SZRD1: variants seen among roughly 807,000 people sequenced by gnomAD.
SZRD1 encodes SUZ RNA binding domain containing 1.
In SZRD1, 7 loss-of-function variants were observed where a neutral mutation model predicts 17.6. The ratio of observed to expected loss-of-function variants is 0.40; its 90% CI spans 0.23 to 0.75. SZRD1 has a LOEUF of 0.75. SZRD1 is among the 30% of genes least tolerant of loss of function. SZRD1 has a pLI of 0.38. For synonymous variants in SZRD1, 77 were observed against 77.9 expected, an observed-to-expected ratio of 0.99 and a Z score of 0.06; for missense variants, 178 against 201.8, an observed-to-expected ratio of 0.88 and a Z score of 0.71.
intron 2 of SZRD1, among the ~76,000 whole-genome samples, chr1:16,392,103 A>G (rs2085229098): frequency 6.6e-6 from 1 of 152,020 alleles, no homozygotes; most frequent in African/African-American, 2.4e-5. Context: ...CCCGCCCGCT[A>G]GTTTTCCTGG....
chr1:16,398,030 TC>T lies in SZRD1; in HGVS notation c.*2891del. 6.7e-6 allele frequency: 6 copies of T among 893,868 alleles called. No homozygotes were observed. Among genetic ancestry groups the T allele is most frequent in the Non-Finnish European group, 8.0e-6 (6 of 746,524 alleles). 55.4% of individuals were successfully genotyped at this position (893,868 alleles called of 1,614,324 possible). On this transcript the variant is annotated 3_prime_UTR_variant, in exon 4 of 4. Coordinates refer to ENST00000401088, the MANE Select transcript of SZRD1 (RefSeq NM_001114600.3). The stretch of plus-strand genomic sequence containing the variant: ...GAGGGCTGCACCCCTGCAGTCTTAC[TC>T]TGCTGGTGTAGCGGGCAGCTGCCCA...
At chr1:16,374,037 G>A (rs2082956612) in intron 1 of SZRD1, among the ~76,000 whole-genome samples, 2 of 152,084 alleles carry the variant, frequency 1.3e-5, no homozygotes, top group Admixed American at 1.3e-4. Flanking sequence ...CTGTCATTTT[G>A]GAACATGTAC....
In SZRD1 at chr1:16,397,855, G is replaced by T. The variant is rs558570992; in HGVS notation, c.*2715G>T. 3 of 315,232 alleles carry T rather than the reference G, an allele frequency of 9.5e-6. No homozygotes were observed. The highest frequency in any genetic ancestry group is 2.2e-5 in the African/African-American group (1 of 44,546). The allele number at this position is 315,232 out of a possible 1,614,324, so 19.5% of individuals were successfully genotyped here. A position where few individuals can be genotyped will look rare whatever the true frequency, so the allele number is the denominator to read the frequency against. ...ATACCCTGCTCTGCCCCATCTGGGG[G>T]TGCCCTGCTCAGGGATGGGCTGGCA... On this transcript the variant is annotated 3_prime_UTR_variant, in exon 4 of 4. Transcript: ENST00000401088. This position sits in a 1 kb window ranked among gnomAD's most constrained non-coding sequence, Gnocchi z 5.4.
intron 1 of SZRD1, chr1:16,387,895 A>T (rs191492917): frequency 5.6e-6 from 2 of 357,340 alleles, no homozygotes; most frequent in East Asian, 1.5e-4. Flanking sequence ...CATTTTCAGG[A>T]CAGAGTACGT....
chr1:16,386,284 A>G (rs1280537711), intron 1 of SZRD1, among the ~76,000 whole-genome samples: 1 of 152,242 alleles, frequency 6.6e-6, no homozygotes, highest in Non-Finnish European at 1.5e-5. Flanking sequence ...GATGGAGGTC[A>G]GGCCTCTAAC....
intron 1 of SZRD1, chr1:16,369,610 C>A (rs974434917): frequency 1.0e-5 from 6 of 601,370 alleles, no homozygotes; most frequent in Non-Finnish European, 1.8e-5. Context: ...GTACCGCGGC[C>A]AGGTGCTGTG....
At chr1:16,380,062 A>G (rs1315267792) in intron 1 of SZRD1, among the ~76,000 whole-genome samples, 2 of 152,168 alleles carry the variant, frequency 1.3e-5, no homozygotes, top group Non-Finnish European at 2.9e-5. Context: ...CATAAGGCTT[A>G]CTTTCTACTG....
At chr1:16,387,092 T>G in intron 1 of SZRD1, 1 of 319,430 alleles carries the variant, frequency 3.1e-6, no homozygotes, top group Non-Finnish European at 6.1e-6. Flanking sequence ...TGGGGAAGAA[T>G]GTTGACAGCC....
In SZRD1 at chr1:16,395,234, A is replaced by G; in HGVS notation, c.*94A>G. On this transcript the variant is annotated 3_prime_UTR_variant, in exon 4 of 4. Transcript: ENST00000401088. ...CTGCCGTGGCAGACAGCTGGACTTG[A>G]GCAGAGGGAACGACCTGACTTACTT... 1 of 872,354 alleles carries G rather than the reference A, an allele frequency of 1.1e-6. No individual in the cohort carries two copies. Among genetic ancestry groups the G allele is most frequent in the South Asian group, 1.4e-5 (1 of 72,912 alleles). The allele number at this position is 872,354 out of a possible 1,614,324, so 54.0% of individuals were successfully genotyped here. A position where few individuals can be genotyped will look rare whatever the true frequency, so the allele number is the denominator to read the frequency against.
At position 16,368,828 on chromosome 1, in the gene SZRD1, C is replaced by T. The variant is rs74643735; in HGVS notation, c.51+1520C>T. On this transcript the variant is annotated intron_variant, in intron 1 of 3. Coordinates refer to ENST00000401088, the MANE Select transcript of SZRD1 (RefSeq NM_001114600.3). Reference sequence around the variant, plus strand: ...CAACTTTAATATCATGCAAATGATACGTTTCTTGGGCATCTTGGCCTTTCT... The same window carrying T: ...CAACTTTAATATCATGCAAATGATATGTTTCTTGGGCATCTTGGCCTTTCT... Among the ~76,000 whole-genome samples, 992 of 152,266 alleles carry T rather than the reference C, an allele frequency of 6.5e-3. 7 individuals carry two copies. The highest frequency in any genetic ancestry group is 0.023 in the African/African-American group (952 of 41,568).
chr1:16,374,011 A>G (rs189092369), intron 1 of SZRD1, among the ~76,000 whole-genome samples: 503 of 152,314 alleles, frequency 3.3e-3, no homozygotes, highest in African/African-American at 0.012. Flanking sequence ...GGGGTCCCCA[A>G]TGCTTTGTGT....
chr1:16,394,902 C>T (rs907767111), intron 3 of SZRD1, 136 bp from the exon 4 acceptor site: 37 of 619,502 alleles, frequency 6.0e-5, no homozygotes, highest in Non-Finnish European at 9.0e-5. Context: ...TTGCAGTGAG[C>T]GGAGATCGTG....
rs759962682 is a variant in SZRD1, at chr1:16,394,993, T to C, written c.357-45T>C. On this transcript the variant is annotated intron_variant, in intron 3 of 3. Transcript: ENST00000401088. ...AAATAAAGAAATGATGGGGGACATC[T>C]ATTATATCCTTCTTCAGGCCTTCCT... 7 of 1,050,044 alleles carry C rather than the reference T, an allele frequency of 6.7e-6. No homozygotes were observed. In the Admixed American group the frequency reaches 1.4e-4, roughly 22 times the overall value. The allele number at this position is 1,050,044 out of a possible 1,614,324, so 65.0% of individuals were successfully genotyped here.
At chr1:16,379,821 C>T (rs1255062131) in intron 1 of SZRD1, among the ~76,000 whole-genome samples, 3 of 138,740 alleles carry the variant, frequency 2.2e-5, no homozygotes, top group Middle Eastern at 4.5e-3. Context: ...AGTGCAGTGG[C>T]GCAGTCTTGG....
At chr1:16,371,782 C>T (rs2082919695) in intron 1 of SZRD1, among the ~76,000 whole-genome samples, 1 of 152,138 alleles carries the variant, frequency 6.6e-6, no homozygotes, top group Non-Finnish European at 1.5e-5. Context: ...ACAGAAGGGT[C>T]TTGCTCTGTT....
Position 16,395,951 on chromosome 1 carries a change from G to A in SZRD1, c.*811G>A, listed in dbSNP as rs1199269632. ...TCTGTAGGCTCGGAGAGCCTGGGGA[G>A]GGTGCCAACCCCACCTCTAGTATTT... On this transcript the variant is annotated 3_prime_UTR_variant, in exon 4 of 4. Coordinates refer to ENST00000401088, the MANE Select transcript of SZRD1 (RefSeq NM_001114600.3). The A allele has an allele frequency of 6.6e-6, 1 of 152,660 alleles. No individual in the cohort carries two copies. The highest frequency in any genetic ancestry group is 1.5e-5 in the Non-Finnish European group (1 of 68,074). 9.5% of individuals were successfully genotyped at this position (152,660 alleles called of 1,614,324 possible).
At chr1:16,394,055 A>G (rs1216132873) in intron 3 of SZRD1, among the ~76,000 whole-genome samples, 1 of 152,164 alleles carries the variant, frequency 6.6e-6, no homozygotes, top group Non-Finnish European at 1.5e-5. Flanking sequence ...TTTTCTCTGC[A>G]GTATTAAAGG....
chr1:16,386,841 A>C (rs2085133663), intron 1 of SZRD1, among the ~76,000 whole-genome samples: 1 of 152,094 alleles, frequency 6.6e-6, no homozygotes, highest in African/African-American at 2.4e-5. Flanking sequence ...GCCAGGGAGC[A>C]GTGTGGAATT....
At chr1:16,374,523 T>C (rs2100700504) in intron 1 of SZRD1, among the ~76,000 whole-genome samples, 1 of 152,342 alleles carries the variant, frequency 6.6e-6, no homozygotes, top group East Asian at 1.9e-4. Flanking sequence ...ATCACAGGCC[T>C]TCTTGTTTTT....
Sources: gnomAD v4.1 joint callset for allele counts (sites outside exome capture counted in the v4.1 genomes callset) on GRCh38, gnomAD v4.1.1 for gene constraint, Gnocchi (gnomAD v3.1) non-coding constraint, MANE v1.5 for transcripts, NCBI Gene and HGNC (gene_info 2026-07-23, HGNC 2026-07-21) for gene names.